The following YIPF6 variants were observed in gnomAD, a reference collection of about 807,000 sequenced individuals.
YIPF6 encodes the protein Yip1 domain family member 6.
A neutral mutation model predicts 16.8 loss-of-function variants in YIPF6; 3 were observed. The observed-to-expected ratio is 0.18, with a 90% CI of 0.08 to 0.46. The LOEUF (loss-of-function observed/expected upper bound fraction) is 0.46, where lower values mean the gene tolerates loss of function less well. Ranked by LOEUF, YIPF6 falls within the 20% of genes least tolerant of loss-of-function variation. The pLI, the probability that YIPF6 is intolerant of heterozygous loss-of-function variation, is 0.98. For synonymous variants in YIPF6, 67 were observed against 61.9 expected (o/e 1.08, Z -0.38); for missense variants, 145 against 184.9 (o/e 0.78, Z 1.25).
At position 68,524,826 on chromosome X, in the gene YIPF6, T is replaced by A. The variant is rs746306275; in HGVS notation, c.592+1909T>A. On this transcript the variant is annotated intron_variant, in intron 6 of 6. Transcript: ENST00000462683. ...CTGAGAATGATGGTTTTCAGCTTCA[T>A]ACAAAGGATATGAACTCAACCTTTT... Among the ~76,000 whole-genome samples the A allele has an allele frequency of 5.5e-4, 61 of 111,385 alleles. 2 individuals carry two copies. The highest frequency in any genetic ancestry group is 1.1e-3 in the Non-Finnish European group (56 of 53,177).
intron 3 of YIPF6, among the ~76,000 whole-genome samples, chrX:68,517,372 C>T (rs1056601961): frequency 6.3e-5 from 7 of 111,318 alleles, no homozygotes; most frequent in Non-Finnish European, 1.1e-4. Flanking sequence ...GTCTCAAACT[C>T]CTGAGCTCAG....
intron 1 of YIPF6, among the ~76,000 whole-genome samples, chrX:68,503,021 G>C (rs1294527266): frequency 9.0e-6 from 1 of 110,804 alleles, no homozygotes; most frequent in Non-Finnish European, 1.9e-5. Flanking sequence ...GTAGAGACAG[G>C]GTTTCACAGT....
intron 1 of YIPF6, among the ~76,000 whole-genome samples, chrX:68,510,024 T>C (rs1035894726): frequency 2.7e-5 from 3 of 112,083 alleles, no homozygotes; most frequent in African/African-American, 6.5e-5. Flanking sequence ...CATGCTTTGC[T>C]ACTGTTGAGC....
intron 6 of YIPF6, among the ~76,000 whole-genome samples, chrX:68,529,274 A>G (rs1055356694): frequency 9.2e-6 from 1 of 109,018 alleles, no homozygotes; most frequent in East Asian, 2.9e-4. Flanking sequence ...CGATTCAGCT[A>G]TTGACACTTG....
chrX:68,509,108 GT>G (rs2079070638), intron 1 of YIPF6, among the ~76,000 whole-genome samples: 3 of 107,023 alleles, frequency 2.8e-5, no homozygotes, highest in Non-Finnish European at 3.9e-5. Flanking sequence ...TTTGTTTTTT[GT>G]TGTTGTTTTT....
At chrX:68,502,332 A>G (rs764669897) in intron 1 of YIPF6, among the ~76,000 whole-genome samples, 13 of 111,596 alleles carry the variant, frequency 1.2e-4, no homozygotes, top group African/African-American at 4.2e-4. Context: ...GTGAAGGAGG[A>G]TTTGTCTTAG....
intron 3 of YIPF6, among the ~76,000 whole-genome samples, 193 bp from the exon 4 acceptor site, chrX:68,518,577 G>A (rs775653564): frequency 1.8e-5 from 2 of 111,143 alleles, no homozygotes; most frequent in Non-Finnish European, 3.8e-5. Flanking sequence ...TGAAATAAGC[G>A]AAACTGGAAG....
intron 1 of YIPF6, 121 bp from the exon 2 acceptor site, chrX:68,511,728 C>T (rs2079081635): frequency 1.3e-6 from 1 of 781,237 alleles, no homozygotes; most frequent in East Asian, 3.4e-5. Context: ...TGAGCTAACA[C>T]CTACTTTCCT....
chrX:68,516,729 CT>C (rs1169302203), intron 3 of YIPF6, among the ~76,000 whole-genome samples: 1 of 111,809 alleles, frequency 8.9e-6, no homozygotes, highest in Non-Finnish European at 1.9e-5. Flanking sequence ...GAATATTTGC[CT>C]TTTTGGAATG....
At chrX:68,515,503 C>T (rs1336885712) in intron 3 of YIPF6, among the ~76,000 whole-genome samples, 1 of 111,214 alleles carries the variant, frequency 9.0e-6, no homozygotes, top group Non-Finnish European at 1.9e-5. Context: ...TCTAGGCCTT[C>T]ACAGGGTCAG....
chrX:68,502,301 A>G (rs1343469483), intron 1 of YIPF6, among the ~76,000 whole-genome samples: 1 of 111,928 alleles, frequency 8.9e-6, no homozygotes, highest in Non-Finnish European at 1.9e-5. Context: ...ACAAGGCAGA[A>G]TCCACGAGGG....
chrX:68,519,927 C>T (rs777057139), intron 4 of YIPF6, among the ~76,000 whole-genome samples: 8 of 111,778 alleles, frequency 7.2e-5, no homozygotes, highest in Non-Finnish European at 1.5e-4. Flanking sequence ...GAAAGTTTAA[C>T]CTTATAGATT....
At chrX:68,521,682 A>G (rs754252165) in intron 5 of YIPF6, among the ~76,000 whole-genome samples, 185 bp downstream of exon 5, 1 of 108,811 alleles carries the variant, frequency 9.2e-6, no homozygotes, top group South Asian at 4.1e-4. Flanking sequence ...CAGCGTCCCA[A>G]GTAGCTGGGA....
At chrX:68,515,149 AC>A (rs1248590627) in intron 3 of YIPF6, 1 of 105,653 alleles carries the variant, frequency 9.5e-6, no homozygotes, top group African/African-American at 3.5e-5. Context: ...ACACGGTGAA[AC>A]CCCGTCTCTA....
At chrX:68,521,800 C>A (rs1178352176) in intron 5 of YIPF6, among the ~76,000 whole-genome samples, 1 of 109,092 alleles carries the variant, frequency 9.2e-6, no homozygotes, top group African/African-American at 3.3e-5. Flanking sequence ...CACTGTATTG[C>A]CTAGGCTGGT....
In YIPF6 at chrX:68,522,773, A is replaced by G; in HGVS notation, c.448A>G (p.Ser150Gly). The part of the protein sequence containing the change: ...LLGGNISFFQ[S>G]LCVLGYCILP... ...TTTGTTTTTAAGATCTTTTTTTCAG[A>G]GCCTCTGTGTGCTGGGTTACTGTAT... The change falls in exon 6 of 7, where the codon AGC (serine) becomes GGC (glycine). Residue 150 changes from serine (S) to glycine (G), a missense_variant. Ser to Gly is a moderately conservative substitution (Grantham distance 56). Coordinates refer to ENST00000462683, the MANE Select transcript of YIPF6 (RefSeq NM_173834.4). The G allele has an allele frequency of 8.4e-7, 1 of 1,190,394 alleles. No individual in the cohort carries two copies. The highest frequency in any genetic ancestry group is 1.9e-5 in the South Asian group (1 of 53,353).
chrX:68,502,840 T>A (rs1050884263), intron 1 of YIPF6, among the ~76,000 whole-genome samples: 1 of 108,723 alleles, frequency 9.2e-6, no homozygotes, highest in African/African-American at 3.3e-5. Context: ...CTTTTTTTTT[T>A]TTTTGAGCCG....
intron 1 of YIPF6, among the ~76,000 whole-genome samples, chrX:68,499,537 A>G (rs1170915409): frequency 8.9e-6 from 1 of 111,952 alleles, no homozygotes; most frequent in East Asian, 2.8e-4. Context: ...GTTGCTTATA[A>G]CTTTAGTATT....
chrX:68,522,843 T>C lies in YIPF6; in HGVS notation c.518T>C (p.Leu173Ser). Residue 173 changes from leucine (L) to serine (S), a missense_variant, in exon 6 of 7, where the codon TTG becomes TCG. By Grantham distance (145) the Leu-to-Ser change is moderately radical (BLOSUM62 -2). Coordinates refer to ENST00000462683, the MANE Select transcript of YIPF6 (RefSeq NM_173834.4). ...VAMLICRLVL[L>S]ADPGPVNFMV... ...ATGCTGATTTGCCGGCTGGTACTTTTGGCTGATCCAGGACCTGTAAACTTC... is the reference window on the plus strand; with the variant it reads ...ATGCTGATTTGCCGGCTGGTACTTTCGGCTGATCCAGGACCTGTAAACTTC... 8.3e-7 allele frequency: 1 copy of C among 1,211,793 alleles called. No individual in the cohort carries two copies. The highest frequency in any genetic ancestry group is 1.1e-6 in the Non-Finnish European group (1 of 895,550).
Sources: gnomAD v4.1 joint callset for allele counts (sites outside exome capture counted in the v4.1 genomes callset) on GRCh38, gnomAD v4.1.1 for gene constraint, MANE v1.5 for transcripts, NCBI Gene and HGNC (gene_info 2026-07-23, HGNC 2026-07-21) for gene names.